The following NR2F1-AS1 variants were observed in gnomAD, a reference collection of about 807,000 sequenced individuals.
NR2F1-AS1 encodes the protein NR2F1 antisense RNA 1.
At chr5:93,531,403 C>T (rs1037821666) in intron 4 of NR2F1-AS1, among the ~76,000 whole-genome samples, 20 of 152,206 alleles carry the variant, frequency 1.3e-4, no homozygotes, top group African/African-American at 4.8e-4. Context: ...TGCGTATCCT[C>T]ATTAGTACAG....
intron 4 of NR2F1-AS1, among the ~76,000 whole-genome samples, chr5:93,440,180 GCTCT>G (rs759140588): frequency 3.5e-4 from 52 of 149,354 alleles, no homozygotes; most frequent in African/African-American, 1.0e-3. Context: ...TCTCTCGCTC[GCTCT>G]CTCTCTCTGT....
intron 4 of NR2F1-AS1, among the ~76,000 whole-genome samples, chr5:93,525,670 T>G (rs1047038391): frequency 2.0e-5 from 3 of 152,180 alleles, no homozygotes; most frequent in African/African-American, 2.4e-5. Flanking sequence ...CAGACCATAG[T>G]GCAATCTAAT....
intron 4 of NR2F1-AS1, among the ~76,000 whole-genome samples, chr5:93,441,187 A>G (rs1402774591): frequency 6.6e-6 from 1 of 152,214 alleles, no homozygotes; most frequent in Non-Finnish European, 1.5e-5. Context: ...AAGAACGAAG[A>G]TGGTGAAGAT....
upstream of NR2F1-AS1, chr5:93,584,479 G>A (rs1190673092): frequency 6.7e-6 from 1 of 149,302 alleles, no homozygotes; most frequent in Non-Finnish European, 1.5e-5. Flanking sequence ...GAGGCGGAGG[G>A]CGAGTGTGTG....
intron 4 of NR2F1-AS1, among the ~76,000 whole-genome samples, chr5:93,416,647 T>G (rs1748973975): frequency 6.6e-6 from 1 of 152,168 alleles, no homozygotes; most frequent in Non-Finnish European, 1.5e-5. Flanking sequence ...TCATACCATT[T>G]TTACAAATTG....
rs71639284 is a variant in NR2F1-AS1 at position 93,557,009 on chromosome 5, G to A, written n.414-2014C>T. 7.9e-4 allele frequency among the ~76,000 whole-genome samples: 120 copies of A among 152,058 alleles called. 1 individual carries two copies. Among genetic ancestry groups the A allele is most frequent in the Non-Finnish European group, 1.5e-3 (101 of 68,008 alleles). ...ATCTTGCTATTCATTTCTCACTCTG[G>A]TAGCAAATGTGCTATTTAATAGCTA... On this transcript the variant is annotated intron_variant and non_coding_transcript_variant, in intron 2 of 5. Transcript: ENST00000660523.
chr5:93,526,446 G>T (rs996882458), intron 4 of NR2F1-AS1, among the ~76,000 whole-genome samples: 3 of 152,046 alleles, frequency 2.0e-5, no homozygotes, highest in Admixed American at 6.6e-5. Context: ...TTCCTTCTGA[G>T]ACTATTCCAA....
At chr5:93,514,032 A>G (rs564156284) in intron 4 of NR2F1-AS1, among the ~76,000 whole-genome samples, 6 of 152,182 alleles carry the variant, frequency 3.9e-5, no homozygotes, top group Non-Finnish European at 7.4e-5. Context: ...ACCATAAACC[A>G]GGATTTGATA....
intron 2 of NR2F1-AS1, among the ~76,000 whole-genome samples, chr5:93,556,446 T>C (rs551124089): frequency 7.5e-4 from 114 of 152,296 alleles, no homozygotes; most frequent in African/African-American, 2.6e-3. Flanking sequence ...TTCGAATCTA[T>C]CTTCAGAAAA....
intron 4 of NR2F1-AS1, among the ~76,000 whole-genome samples, chr5:93,430,339 C>G (rs1749284194): frequency 6.6e-6 from 1 of 152,192 alleles, no homozygotes; most frequent in Non-Finnish European, 1.5e-5. Flanking sequence ...AAGCACTGCA[C>G]TCTTCGTGTC....
At chr5:93,562,030 AT>A (rs566327421) in intron 2 of NR2F1-AS1, among the ~76,000 whole-genome samples, 2 of 151,442 alleles carry the variant, frequency 1.3e-5, no homozygotes, top group Non-Finnish European at 2.9e-5. Flanking sequence ...AAACTCTAAG[AT>A]TTTTTTTAAG....
intron 4 of NR2F1-AS1, among the ~76,000 whole-genome samples, chr5:93,481,082 T>A (rs913732341): frequency 2.0e-5 from 3 of 151,782 alleles, no homozygotes; most frequent in Non-Finnish European, 2.9e-5. Flanking sequence ...GTAGAAAAAA[T>A]TTTTTAAAAA....
chr5:93,529,031 G>A (rs1484000633), intron 4 of NR2F1-AS1, among the ~76,000 whole-genome samples: 1 of 151,942 alleles, frequency 6.6e-6, no homozygotes, highest in Non-Finnish European at 1.5e-5. Flanking sequence ...ATATATCCCA[G>A]AACTTAAAGT....
intron 1 of NR2F1-AS1, among the ~76,000 whole-genome samples, chr5:93,568,282 A>C (rs1452558032): frequency 6.6e-6 from 1 of 152,216 alleles, no homozygotes; most frequent in Non-Finnish European, 1.5e-5. Context: ...AAATAAACAT[A>C]ATAAATGTAC....
rs185832884 is a variant in NR2F1-AS1 at position 93,546,872 on chromosome 5, T to C, written n.638+6889A>G. ...CTAACCTAGATGTTACTGTGAAGTG[T>C]TGTGTAGATGTTGTTAATGTCTACA... On this transcript the variant is annotated intron_variant and non_coding_transcript_variant, in intron 4 of 5. Transcript: ENST00000660523. Among the ~76,000 whole-genome samples the C allele has an allele frequency of 7.2e-5, 11 of 152,332 alleles. No homozygotes were observed. The East Asian group carries it at 2.1e-3, about 29-fold the overall frequency.
chr5:93,543,975 A>C (rs1752017082), intron 4 of NR2F1-AS1: 1 of 152,196 alleles, frequency 6.6e-6, no homozygotes, highest in African/African-American at 2.4e-5. Context: ...ATTAGTGAAG[A>C]AAATACTTGT....
At chr5:93,484,182 T>C (rs1215865667) in intron 4 of NR2F1-AS1, among the ~76,000 whole-genome samples, 2 of 152,000 alleles carry the variant, frequency 1.3e-5, no homozygotes, top group African/African-American at 4.8e-5. Flanking sequence ...AAGGAAACAA[T>C]GTTAAGGGCA....
rs541730454 is a variant in NR2F1-AS1 at position 93,436,239 on chromosome 5, C to G, written n.639-40697G>C. Among the ~76,000 whole-genome samples the G allele has an allele frequency of 3.9e-5, 6 of 152,246 alleles. No homozygotes were observed. In the South Asian group the frequency reaches 8.3e-4, roughly 21 times the overall value. ...TCAACAAACAATCACAGATAATAAT[C>G]AACATCAAAGAGATACCCACAGGCT... On this transcript the variant is annotated intron_variant and non_coding_transcript_variant, in intron 4 of 5. Coordinates refer to ENST00000660523, the Ensembl canonical transcript of NR2F1-AS1.
chr5:93,478,941 A>G (rs1750544456), intron 4 of NR2F1-AS1, among the ~76,000 whole-genome samples: 1 of 152,236 alleles, frequency 6.6e-6, no homozygotes, highest in Non-Finnish European at 1.5e-5. Context: ...AAGTGATGTC[A>G]TGGAAGACAG....
Sources: gnomAD v4.1 joint callset for allele counts (sites outside exome capture counted in the v4.1 genomes callset) on GRCh38, gnomAD v4.1.1 for gene constraint, MANE v1.5 for transcripts, NCBI Gene and HGNC (gene_info 2026-07-23, HGNC 2026-07-21) for gene names.